Variants in TNN observed in about 807,000 individuals in gnomAD.
TNN encodes tenascin N.
In TNN, 122 loss-of-function variants were observed where a neutral mutation model predicts 134.4. That is an observed-to-expected ratio of 0.91 (90% CI 0.78 to 1.06). The LOEUF is 1.06. Ranked by LOEUF, TNN falls within the 50% of genes least tolerant of loss-of-function variation. The probability of loss-of-function intolerance (pLI) is 0.00; values close to 1 mark genes in which losing one functional copy is unlikely to be tolerated. For synonymous variants in TNN, 710 were observed against 670.3 expected, an observed-to-expected ratio of 1.06 and a Z score of -0.91; for missense variants, 1,739 against 1,699.4, an observed-to-expected ratio of 1.02 and a Z score of -0.41.
At chr1:175,116,377 T>C (rs1182877465) in intron 9 of TNN, among the ~76,000 whole-genome samples, 1 of 152,208 alleles carries the variant, frequency 6.6e-6, no homozygotes, top group Non-Finnish European at 1.5e-5. Context: ...TTTCTCTTGG[T>C]TTACAGAGCT....
chr1:175,102,326 C>T lies in TNN; in HGVS notation c.2119+3731C>T, dbSNP rs183742133. 9.6e-5 allele frequency among the ~76,000 whole-genome samples: 14 copies of T among 146,188 alleles called. 1 individual carries two copies. The highest frequency in any genetic ancestry group is 2.5e-4 in the African/African-American group (10 of 40,596). On this transcript the variant is annotated intron_variant, in intron 9 of 18. Transcript: ENST00000239462. ...TACTCCTCAGCCCTTGGGTAGTCGA[C>T]GGGACTGGGTGCCATGGAGCAGGGG...
At chr1:175,130,583 G>A (rs2101846582) in intron 15 of TNN, among the ~76,000 whole-genome samples, 1 of 151,344 alleles carries the variant, frequency 6.6e-6, no homozygotes, top group African/African-American at 2.4e-5. Flanking sequence ...TGTCTAGTGT[G>A]GCCTTTTTGT....
intron 9 of TNN, among the ~76,000 whole-genome samples, chr1:175,113,105 C>T (rs1675078996): frequency 6.6e-6 from 1 of 152,138 alleles, no homozygotes; most frequent in Non-Finnish European, 1.5e-5. Flanking sequence ...AGTACTGAGG[C>T]TTGATCCTTT....
chr1:175,115,313 T>A (rs1267350025), intron 9 of TNN, among the ~76,000 whole-genome samples: 1 of 148,630 alleles, frequency 6.7e-6, no homozygotes, highest in Non-Finnish European at 1.5e-5. Flanking sequence ...AAAGCATTGT[T>A]CCCTGGGGAG....
intron 6 of TNN, among the ~76,000 whole-genome samples, chr1:175,092,525 T>C (rs1484503667): frequency 6.6e-6 from 1 of 152,222 alleles, no homozygotes; most frequent in African/African-American, 2.4e-5. Context: ...CACAGTAACC[T>C]TTCAGTTCAC....
chr1:175,137,005 T>C lies in TNN; in HGVS notation c.3595+17T>C. On this transcript the variant is annotated intron_variant, in intron 17 of 18. Transcript: ENST00000239462. ...GCACGGCAGGTGAGAAAAAATGTTT[T>C]CTTACTGCGAAGGTCTCTTGCTGTC... The C allele has an allele frequency of 1.2e-6, 2 of 1,613,232 alleles. No homozygotes were observed. Among genetic ancestry groups the C allele is most frequent in the Non-Finnish European group, 8.5e-7 (1 of 1,179,376 alleles).
At chr1:175,080,012 C>A in intron 3 of TNN, 151 bp from the exon 4 acceptor site, 1 of 1,059,260 alleles carries the variant, frequency 9.4e-7, no homozygotes. Context: ...AATTACCTGT[C>A]GTTCGGATAA....
rs751113911 is a variant in TNN at position 175,083,877 on chromosome 1, G to C, written c.1176G>C (p.Glu392Asp). The part of the protein sequence containing the change: ...KLRYGPMTGQ[E>D]VAEVTVPKSS... ...GATATGGCCCCATGACAGGACAGGA[G>C]GTAGCTGAGGTCACTGTGCCCAAGA... is the stretch of plus-strand genomic sequence containing the variant. The change falls in exon 5 of 19, where the codon GAG becomes GAC. Residue 392 changes from glutamate (E) to aspartate (D), a missense_variant. Glu to Asp is a conservative substitution (Grantham distance 45). Transcript: ENST00000239462. 8 of 1,614,182 alleles carry C rather than the reference G, an allele frequency of 5.0e-6. No individual in the cohort carries two copies. Among genetic ancestry groups the C allele is most frequent in the Non-Finnish European group, 6.8e-6 (8 of 1,180,026 alleles).
At position 175,128,593 on chromosome 1, in the gene TNN, A is replaced by T. The variant is rs762873593; in HGVS notation, c.3179-2A>T. ...ACAACACTCTCTCTGCTTGGCTCCC[A>T]GTTGGTGCCCGTTTCCCACACCCTT... is the stretch of plus-strand genomic sequence containing the variant. On this transcript the variant is annotated splice_acceptor_variant, in intron 14 of 18. Transcript: ENST00000239462. LOFTEE classifies it high-confidence loss of function. 2 of 1,609,160 alleles carry T rather than the reference A, an allele frequency of 1.2e-6. No individual in the cohort carries two copies. The highest frequency in any genetic ancestry group is 2.2e-5 in the South Asian group (2 of 90,334).
intron 9 of TNN, among the ~76,000 whole-genome samples, chr1:175,101,906 A>G: frequency 6.9e-6 from 1 of 144,754 alleles, no homozygotes; most frequent in Non-Finnish European, 1.5e-5. Context: ...ACCTTGAGCT[A>G]GATACAGAGT....
chr1:175,127,648 A>G (rs918893581), intron 13 of TNN, among the ~76,000 whole-genome samples: 3 of 152,226 alleles, frequency 2.0e-5, no homozygotes, highest in Non-Finnish European at 4.4e-5. Context: ...ATCAGTGGCC[A>G]GTTTCACCTC....
intron 17 of TNN, among the ~76,000 whole-genome samples, chr1:175,140,696 T>G (rs750191769): frequency 4.6e-5 from 7 of 152,216 alleles, no homozygotes; most frequent in African/African-American, 1.7e-4. Flanking sequence ...GAGGATGTAT[T>G]TTTTAATAGA....
At chr1:175,125,457 G>A (rs1263537267) in intron 12 of TNN, among the ~76,000 whole-genome samples, 2 of 151,828 alleles carry the variant, frequency 1.3e-5, no homozygotes, top group African/African-American at 2.4e-5. Flanking sequence ...GCTTACCCAC[G>A]CGTTCCCTCT....
At chr1:175,072,124 G>C (rs912262889) in intron 1 of TNN, among the ~76,000 whole-genome samples, 1 of 152,186 alleles carries the variant, frequency 6.6e-6, no homozygotes, top group African/African-American at 2.4e-5. Flanking sequence ...TGCAACATCT[G>C]AAGGCAGAAG....
intron 9 of TNN, among the ~76,000 whole-genome samples, chr1:175,106,714 A>T (rs1213610345): frequency 6.8e-6 from 1 of 146,110 alleles, no homozygotes; most frequent in African/African-American, 2.5e-5. Flanking sequence ...AGTTCCACTC[A>T]TGGCCGCAGG....
chr1:175,118,627 A>G lies in TNN; in HGVS notation c.2453A>G (p.Asp818Gly). The G allele has an allele frequency of 6.2e-7, 1 of 1,614,058 alleles. No individual in the cohort carries two copies. The highest frequency in any genetic ancestry group is 8.5e-7 in the Non-Finnish European group (1 of 1,180,010). ...GAGAATACAGCCACTGTCTCCTGGG[A>G]CCCGGTGCAGGCCACCATTGACAGG... ...VTENTATVSW[D>G]PVQATIDRYV... The change falls in exon 11 of 19, where the codon GAC becomes GGC. Residue 818 changes from aspartate (D) to glycine (G), a missense_variant. Transcript: ENST00000239462.
rs761349489 is a variant in TNN at position 175,080,146 on chromosome 1, T to G, written c.785-17T>G. ...CCCTTGCTCACCCTCTCTGCCCTGT[T>G]CCTGTTCTGCCTGCAGTGGTCACCC... On this transcript the variant is annotated splice_polypyrimidine_tract_variant and intron_variant, in intron 3 of 18. Coordinates refer to ENST00000239462, the MANE Select transcript of TNN (RefSeq NM_022093.2). 1 of 1,612,846 alleles carries G rather than the reference T, an allele frequency of 6.2e-7. No individual in the cohort carries two copies. Among genetic ancestry groups the G allele is most frequent in the South Asian group, 1.1e-5 (1 of 91,022 alleles).
intron 17 of TNN, among the ~76,000 whole-genome samples, chr1:175,142,025 C>T (rs1254691548): frequency 6.6e-6 from 1 of 152,180 alleles, no homozygotes; most frequent in Non-Finnish European, 1.5e-5. Context: ...CCCTGGGAAC[C>T]TTCTATGTAA....
chr1:175,130,405 A>G (rs1481813817), intron 15 of TNN, among the ~76,000 whole-genome samples: 2 of 152,220 alleles, frequency 1.3e-5, no homozygotes, highest in Non-Finnish European at 2.9e-5. Flanking sequence ...TATAAAAACA[A>G]CAGAGCAGAA....
Sources: allele counts gnomAD v4.1 joint callset (sites outside exome capture counted in the v4.1 genomes callset), GRCh38; gene constraint gnomAD v4.1.1; transcripts MANE v1.5; gene names NCBI Gene and HGNC (gene_info 2026-07-23, HGNC 2026-07-21).